Variants in SAMD12 observed in about 807,000 individuals in gnomAD.
SAMD12 encodes sterile alpha motif domain containing 12.
A neutral mutation model predicts 15.0 loss-of-function variants in SAMD12; 9 were observed. The observed-to-expected ratio is 0.60, with a 90% confidence interval of 0.36 to 1.05. The LOEUF (loss-of-function observed/expected upper bound fraction) is 1.05, where lower values mean the gene tolerates loss of function less well. SAMD12 is among the 50% of genes least tolerant of loss of function. SAMD12 has a pLI of 0.01. For missense variants in SAMD12, 230 were observed against 234.2 expected, an observed-to-expected ratio of 0.98 and a Z score of 0.12; for synonymous variants, 86 against 90.1, an observed-to-expected ratio of 0.96 and a Z score of 0.25.
chr8:118,222,827 A>G (rs1457192297), intron 4 of SAMD12, among the ~76,000 whole-genome samples: 3 of 152,108 alleles, frequency 2.0e-5, no homozygotes, highest in Non-Finnish European at 4.4e-5. Flanking sequence ...TTTAAAGTGC[A>G]CAGAGCTCTT....
At chr8:118,575,890 G>A (rs1827134686) in intron 2 of SAMD12, among the ~76,000 whole-genome samples, 1 of 152,076 alleles carries the variant, frequency 6.6e-6, no homozygotes, top group East Asian at 1.9e-4. Flanking sequence ...GATACTGATG[G>A]GCTGATCTTA....
chr8:118,333,240 C>T (rs1816888159), intron 4 of SAMD12, among the ~76,000 whole-genome samples: 1 of 152,184 alleles, frequency 6.6e-6, no homozygotes, highest in Non-Finnish European at 1.5e-5. Flanking sequence ...CCAACAGTCA[C>T]CTCCTCTCTG....
intron 4 of SAMD12, among the ~76,000 whole-genome samples, chr8:118,352,632 T>TTAACTAACA (rs1818010480): frequency 6.6e-6 from 1 of 152,160 alleles, no homozygotes; most frequent in East Asian, 1.9e-4. Context: ...TTGGTGGGGA[T>TTAACTAACA]CTGAATTAAC....
At chr8:118,141,469 T>C in the SAMD12 span, among the ~76,000 whole-genome samples, 1 of 152,076 alleles carries the variant, frequency 6.6e-6, no homozygotes, top group Non-Finnish European at 1.5e-5. Context: ...GAGATCCACA[T>C]TGCTGATAAA....
chr8:118,554,428 C>T (rs1826455273), intron 2 of SAMD12, among the ~76,000 whole-genome samples: 2 of 150,546 alleles, frequency 1.3e-5, no homozygotes, highest in African/African-American at 4.9e-5. Context: ...TAAACTATCG[C>T]AAGAACAAAA....
intron 4 of SAMD12, among the ~76,000 whole-genome samples, chr8:118,327,028 G>C (rs944215979): frequency 6.6e-6 from 1 of 152,180 alleles, no homozygotes; most frequent in Non-Finnish European, 1.5e-5. Flanking sequence ...ATGCACATGA[G>C]TGATCCCCCA....
chr8:118,210,962 T>C (rs1228550104), intron 4 of SAMD12, among the ~76,000 whole-genome samples: 3 of 152,136 alleles, frequency 2.0e-5, no homozygotes, highest in Non-Finnish European at 4.4e-5. Context: ...ATCAGGGATA[T>C]AAAAATGAAC....
At chr8:118,298,019 C>T (rs546136327) in intron 4 of SAMD12, among the ~76,000 whole-genome samples, 2 of 152,220 alleles carry the variant, frequency 1.3e-5, no homozygotes, top group South Asian at 2.1e-4. Flanking sequence ...CCCTGCTTTG[C>T]GATGCTCCCA....
chr8:118,522,314 A>C (rs1348339349), intron 2 of SAMD12, among the ~76,000 whole-genome samples: 1 of 151,990 alleles, frequency 6.6e-6, no homozygotes, highest in Non-Finnish European at 1.5e-5. Flanking sequence ...TGTAGAGGCC[A>C]CTCCGAATGG....
At chr8:118,610,227 T>C (rs1402685205) in intron 1 of SAMD12, among the ~76,000 whole-genome samples, 1 of 152,136 alleles carries the variant, frequency 6.6e-6, no homozygotes, top group Non-Finnish European at 1.5e-5. Context: ...AGATACACAC[T>C]TTATTAAAAA....
chr8:118,395,545 T>G (rs973601945), intron 3 of SAMD12, among the ~76,000 whole-genome samples: 3 of 152,188 alleles, frequency 2.0e-5, no homozygotes, highest in African/African-American at 7.2e-5. Flanking sequence ...CAAAATGTCA[T>G]GTACAAGGTT....
chr8:118,144,077 C>T, the SAMD12 span, among the ~76,000 whole-genome samples: 1 of 152,124 alleles, frequency 6.6e-6, no homozygotes, highest in African/African-American at 2.4e-5. Flanking sequence ...GGTGTGGCTG[C>T]ATCTCTCCAG....
chr8:118,487,968 G>A (rs751481152), intron 2 of SAMD12, among the ~76,000 whole-genome samples: 18 of 151,966 alleles, frequency 1.2e-4, no homozygotes, highest in Admixed American at 2.6e-4. Flanking sequence ...CCACAACAGC[G>A]ACATATTCAC....
intron 1 of SAMD12, among the ~76,000 whole-genome samples, chr8:118,614,179 T>G (rs1586858253): frequency 6.6e-6 from 1 of 152,056 alleles, no homozygotes; most frequent in African/African-American, 2.4e-5. Context: ...GAAGACAAGG[T>G]GAAACAGACA....
At chr8:118,470,025 A>G (rs914388331) in intron 2 of SAMD12, among the ~76,000 whole-genome samples, 2 of 152,172 alleles carry the variant, frequency 1.3e-5, no homozygotes, top group Non-Finnish European at 2.9e-5. Flanking sequence ...ATATAATGGA[A>G]TACTCCTCAT....
intron 3 of SAMD12, among the ~76,000 whole-genome samples, chr8:118,434,596 G>A (rs978891227): frequency 1.6e-4 from 24 of 152,168 alleles, no homozygotes; most frequent in African/African-American, 5.8e-4. Flanking sequence ...ACTTGACTGT[G>A]CATAACAGAA....
At chr8:118,374,935 C>G (rs916997410), downstream of SAMD12, among the ~76,000 whole-genome samples, 1 of 151,858 alleles carries the variant, frequency 6.6e-6, no homozygotes, top group Admixed American at 6.6e-5. Flanking sequence ...TGTCTTTTCA[C>G]TCTGTTGTTT....
intron 2 of SAMD12, among the ~76,000 whole-genome samples, chr8:118,466,404 A>T (rs903784063): frequency 1.3e-5 from 2 of 152,232 alleles, no homozygotes; most frequent in Non-Finnish European, 2.9e-5. Context: ...TACTATATTC[A>T]TTTTATTACA....
At chr8:118,453,995 G>A (rs1823162330) in intron 2 of SAMD12, among the ~76,000 whole-genome samples, 1 of 152,184 alleles carries the variant, frequency 6.6e-6, no homozygotes, top group African/African-American at 2.4e-5. Context: ...GCTACAAAGG[G>A]GCCATTACAT....
Sources: allele counts gnomAD v4.1 joint callset (sites outside exome capture counted in the v4.1 genomes callset), GRCh38; gene constraint gnomAD v4.1.1; transcripts MANE v1.5; gene names NCBI Gene and HGNC (gene_info 2026-07-23, HGNC 2026-07-21).